Variants in NDRG2 observed in about 807,000 individuals in gnomAD.
NDRG2 encodes NDRG family member 2.
In NDRG2, 34 loss-of-function variants were observed where a neutral mutation model predicts 58.2. The ratio of observed to expected loss-of-function variants is 0.58; its 90% CI spans 0.44 to 0.78. The LOEUF is 0.78. Ranked by LOEUF, NDRG2 falls within the 30% of genes least tolerant of loss-of-function variation. The probability of loss-of-function intolerance (pLI) is 0.00; values close to 1 mark genes in which losing one functional copy is unlikely to be tolerated. For missense variants in NDRG2, 434 were observed against 471.2 expected, an observed-to-expected ratio of 0.92 and a Z score of 0.73; for synonymous variants, 187 against 175.9, an observed-to-expected ratio of 1.06 and a Z score of -0.50.
upstream of NDRG2, chr14:21,030,444 C>G (rs1161047791): frequency 1.2e-6 from 1 of 863,910 alleles, no homozygotes; most frequent in African/African-American, 1.7e-5. Flanking sequence ...GAGAGAGCAA[C>G]AGGGAAGAGG....
rs1215728584 is a variant in NDRG2, at chr14:21,068,190, G to A, written c.24+2638C>T. ...AATTTTTTGTATTTTTAGTAGAGAC[G>A]GGGTTTCACCGTGTTAGCCAGGATG... On this transcript the variant is annotated intron_variant, in intron 1 of 14. Coordinates refer to the NDRG2 transcript ENST00000403829. 1.0e-3 allele frequency among the ~76,000 whole-genome samples: 27 copies of A among 25,864 alleles called. 9 individuals carry two copies. The highest frequency in any genetic ancestry group is 1.9e-3 in the African/African-American group (26 of 13,948). The allele number at this position is 25,864 out of a possible 152,430, so 17.0% of individuals were successfully genotyped here.
At chr14:21,042,350 G>A (rs1379566977) in intron 1 of NDRG2, 1 of 153,542 alleles carries the variant, frequency 6.5e-6, no homozygotes, top group Non-Finnish European at 1.4e-5. Context: ...TCAGGAGTGA[G>A]AAGAGGCCCT....
chr14:21,042,620 A>G (rs1884952683), intron 1 of NDRG2, among the ~76,000 whole-genome samples: 1 of 152,116 alleles, frequency 6.6e-6, no homozygotes, highest in Non-Finnish European at 1.5e-5. Context: ...GCAAAAAATG[A>G]AAAAGAATGG....
chr14:21,021,242 A>G (rs1057338211), intron 6 of NDRG2: 10 of 382,814 alleles, frequency 2.6e-5, no homozygotes, highest in African/African-American at 8.4e-5. Flanking sequence ...AAATGTGAAA[A>G]CAGACACAAT....
intron 4 of NDRG2, 47 bp downstream of exon 4, chr14:21,022,345 C>A (rs1383567937): frequency 3.1e-6 from 5 of 1,588,654 alleles, no homozygotes; most frequent in Non-Finnish European, 4.3e-6. Context: ...ACCCTTCCCC[C>A]ACAGCCTCTT....
intron 1 of NDRG2, among the ~76,000 whole-genome samples, chr14:21,052,676 T>C (rs747808451): frequency 1.3e-5 from 2 of 152,218 alleles, no homozygotes; most frequent in African/African-American, 2.4e-5. Context: ...AAGGCTTTGA[T>C]TCCAGGCTGG....
chr14:21,020,892 A>G, intron 6 of NDRG2, 48 bp from the exon 7 acceptor site: 1 of 1,587,796 alleles, frequency 6.3e-7, no homozygotes. Flanking sequence ...GCTGTCCAAA[A>G]CCTGCCACAG....
At chr14:21,043,533 AC>A in intron 1 of NDRG2, 1 of 1,023,236 alleles carries the variant, frequency 9.8e-7, no homozygotes, top group Non-Finnish European at 1.5e-6. Flanking sequence ...ACTCCCCTAC[AC>A]CCAGAGCATT....
intron 1 of NDRG2, among the ~76,000 whole-genome samples, chr14:21,051,990 G>T (rs183614071): frequency 2.0e-5 from 3 of 152,166 alleles, no homozygotes; most frequent in Non-Finnish European, 4.4e-5. Flanking sequence ...TTCTTTCAAG[G>T]CACCTTCAGA....
At chr14:21,025,581 G>T (rs910977082), upstream of NDRG2, 11 of 985,502 alleles carry the variant, frequency 1.1e-5, no homozygotes, top group Non-Finnish European at 1.3e-5. The surrounding 1 kb of genome is among the most constrained non-coding windows in gnomAD (Gnocchi z 5.1). Flanking sequence ...GGGTCTCGCC[G>T]GCTGGCAGGG....
At chr14:21,034,260 A>G (rs918992015) in intron 1 of NDRG2, 3 of 1,612,980 alleles carry the variant, frequency 1.9e-6, no homozygotes, top group Admixed American at 3.3e-5. Context: ...AAGCTGGAGG[A>G]AAAGGAGCCG....
chr14:21,032,135 G>A (rs1293260099), intron 1 of NDRG2: 1 of 1,551,796 alleles, frequency 6.4e-7, no homozygotes, highest in East Asian at 2.3e-5. Context: ...ACACCAGGGA[G>A]CTTGGAAAAC....
At chr14:21,068,966 G>C (rs61978195) in intron 1 of NDRG2, among the ~76,000 whole-genome samples, 8,142 of 152,362 alleles carry the variant, frequency 0.053, 224 homozygotes, top group South Asian at 0.089. Flanking sequence ...CAACTGCCCA[G>C]AGGCTCCGGC....
intron 1 of NDRG2, chr14:21,034,252 G>C (rs758630808): frequency 1.2e-6 from 2 of 1,613,778 alleles, no homozygotes; most frequent in East Asian, 4.5e-5. Flanking sequence ...CCCAGAACAA[G>C]CTGGAGGAAA....
At chr14:21,039,367 T>C (rs1884789573) in intron 1 of NDRG2, among the ~76,000 whole-genome samples, 1 of 152,130 alleles carries the variant, frequency 6.6e-6, no homozygotes, top group Non-Finnish European at 1.5e-5. Flanking sequence ...GGGGTAGAGA[T>C]TGCTGGTGTA....
At chr14:21,022,843 G>T in intron 3 of NDRG2, 21 bp downstream of exon 3, 12 of 1,612,460 alleles carry the variant, frequency 7.4e-6, no homozygotes, top group Non-Finnish European at 1.0e-5. Context: ...TCCCACCTTG[G>T]GACTGCCCCC....
rs1883035350 is a variant in NDRG2, at chr14:21,024,931, G to A, written c.-908C>T. On this transcript the variant is annotated 5_prime_UTR_variant, in exon 1 of 16. Transcript: ENST00000556147. ...CCGCTCCGTGCTGGCCCTTTCCCCC[G>A]AGCCTCCAGCTCCAGGGGACGCGGA... The A allele has an allele frequency of 1.0e-6, 1 of 985,458 alleles. No homozygotes were observed. Among genetic ancestry groups the A allele is most frequent in the Non-Finnish European group, 1.2e-6 (1 of 830,086 alleles). The allele number at this position is 985,458 out of a possible 1,614,324, so 61.0% of individuals were successfully genotyped here.
chr14:21,034,954 GA>G (rs1171153752), intron 1 of NDRG2, among the ~76,000 whole-genome samples: 1 of 152,228 alleles, frequency 6.6e-6, no homozygotes, highest in Non-Finnish European at 1.5e-5. Flanking sequence ...GGCTTTCTTT[GA>G]TGTTTTCTCT....
At chr14:21,030,497 C>A (rs1034114142), upstream of NDRG2, 3 of 1,395,028 alleles carry the variant, frequency 2.2e-6, no homozygotes, top group African/African-American at 1.4e-5. Context: ...TAACACTCAT[C>A]CTCATTACTC....
Sources: allele counts gnomAD v4.1 joint callset (sites outside exome capture counted in the v4.1 genomes callset), GRCh38; gene constraint gnomAD v4.1.1; non-coding constraint Gnocchi (gnomAD v3.1); transcripts MANE v1.5; gene names NCBI Gene and HGNC (gene_info 2026-07-23, HGNC 2026-07-21).